COBL: variants seen among roughly 807,000 people sequenced by gnomAD.
COBL encodes the protein cordon-bleu WH2 repeat protein.
A neutral mutation model predicts 98.8 loss-of-function variants in COBL; 51 were observed. That is an observed-to-expected ratio of 0.52 (90% CI 0.41 to 0.65). The LOEUF (loss-of-function observed/expected upper bound fraction) is 0.65. Ranked by LOEUF, COBL falls within the 30% of genes least tolerant of loss-of-function variation. The pLI is 0.00. For missense variants in COBL, 1,617 were observed against 1,617.5 expected (o/e 1.00, Z 0.01); for synonymous variants, 634 against 651.7 (o/e 0.97, Z 0.41).
intron 2 of COBL, among the ~76,000 whole-genome samples, chr7:51,207,461 G>C (rs925249154): frequency 6.6e-6 from 1 of 152,004 alleles, no homozygotes; most frequent in African/African-American, 2.4e-5. Flanking sequence ...CTCTTTCCAC[G>C]GTCTCCCTCT....
At chr7:51,233,215 AG>A (rs1794930079) in intron 1 of COBL, among the ~76,000 whole-genome samples, 2 of 152,254 alleles carry the variant, frequency 1.3e-5, no homozygotes, top group Non-Finnish European at 2.9e-5. Flanking sequence ...GAGCATCTGC[AG>A]AGACAGGCTG....
chr7:51,196,908 TCC>T (rs1373725209), intron 2 of COBL, among the ~76,000 whole-genome samples: 1 of 152,110 alleles, frequency 6.6e-6, no homozygotes, highest in African/African-American at 2.4e-5. Context: ...TATATACATC[TCC>T]TCTCTTTTCT....
intron 5 of COBL, among the ~76,000 whole-genome samples, chr7:51,144,016 C>T (rs924153671): frequency 6.6e-6 from 1 of 152,150 alleles, no homozygotes; most frequent in Non-Finnish European, 1.5e-5. Flanking sequence ...CAAAATAGAA[C>T]TATTTTTCAA....
chr7:51,070,426 A>ACACACACACACACACAC (rs1486385446), intron 7 of COBL, among the ~76,000 whole-genome samples: 5 of 51,976 alleles, frequency 9.6e-5, no homozygotes, highest in African/African-American at 2.7e-4. Flanking sequence ...CACACACACA[A>ACACACACACACACACAC]AATTCCGAGA....
chr7:51,047,933 G>A (rs1476793915), intron 7 of COBL, among the ~76,000 whole-genome samples: 2 of 152,208 alleles, frequency 1.3e-5, no homozygotes, highest in Non-Finnish European at 1.5e-5. Context: ...TTGGGAGGCT[G>A]ACGTGGGCGG....
At chr7:51,172,158 C>T (rs1470823266) in intron 5 of COBL, among the ~76,000 whole-genome samples, 9 of 152,198 alleles carry the variant, frequency 5.9e-5, no homozygotes, top group Admixed American at 5.9e-4. Context: ...GCTCCAAAAC[C>T]ACCAGGCTAC....
intron 1 of COBL, among the ~76,000 whole-genome samples, chr7:51,306,870 G>C (rs1802522550): frequency 6.6e-6 from 1 of 152,300 alleles, no homozygotes; most frequent in East Asian, 1.9e-4. Context: ...ACACTCCAGG[G>C]CTTCAGAAAT....
intron 6 of COBL, among the ~76,000 whole-genome samples, chr7:51,130,753 G>C (rs1798664065): frequency 6.6e-6 from 1 of 152,174 alleles, no homozygotes; most frequent in African/African-American, 2.4e-5. Flanking sequence ...GATGAAACGT[G>C]TCTTTGGGAG....
At chr7:51,221,134 A>G (rs2129090024) in intron 1 of COBL, among the ~76,000 whole-genome samples, 1 of 152,240 alleles carries the variant, frequency 6.6e-6, no homozygotes, top group Middle Eastern at 3.4e-3. Flanking sequence ...CTGCACAGAC[A>G]TGGAACTCAG....
chr7:51,118,579 A>T (rs760228495), intron 6 of COBL, among the ~76,000 whole-genome samples: 1 of 151,114 alleles, frequency 6.6e-6, no homozygotes, highest in South Asian at 2.1e-4. Context: ...CCAAATTCCA[A>T]TTCACTCAAG....
intron 6 of COBL, among the ~76,000 whole-genome samples, chr7:51,104,855 C>G (rs913626890): frequency 3.3e-5 from 5 of 152,074 alleles, no homozygotes; most frequent in Non-Finnish European, 7.4e-5. Context: ...GGTCCATTTT[C>G]AAGGCATGAT....
At position 51,311,321 on chromosome 7, in the gene COBL, G is replaced by A. The variant is rs143789064; in HGVS notation, c.41+5272C>T. On this transcript the variant is annotated intron_variant, in intron 1 of 12. Transcript: ENST00000265136. ...GAGGCCACAGGGTTTCTCCCTGCTGGGGAAAGCCATCCTTCTCTGGAGGGG... is the reference window on the plus strand; with the variant it reads ...GAGGCCACAGGGTTTCTCCCTGCTGAGGAAAGCCATCCTTCTCTGGAGGGG... 4.1e-4 allele frequency among the ~76,000 whole-genome samples: 62 copies of A among 152,290 alleles called. 1 individual carries two copies. The East Asian group carries it at 0.01, about 25-fold the overall frequency.
intron 5 of COBL, among the ~76,000 whole-genome samples, chr7:51,168,679 T>C (rs1025980531): frequency 6.6e-6 from 1 of 152,158 alleles, no homozygotes; most frequent in African/African-American, 2.4e-5. Context: ...AGAATGTAAA[T>C]TGGCATAACT....
Position 51,086,907 on chromosome 7 carries a change from GTAAA to G in COBL, c.958-1607_958-1604del, listed in dbSNP as rs1794315061. Among the ~76,000 whole-genome samples, 4 of 151,820 alleles carry G rather than the reference GTAAA, an allele frequency of 2.6e-5. No individual in the cohort carries two copies. The South Asian group carries it at 8.3e-4, about 32-fold the overall frequency. On this transcript the variant is annotated intron_variant, in intron 6 of 12. Transcript: ENST00000265136. ...ACATAAAACATGGACATAACAGAAA[GTAAA>G]TAACCCCATAAAGATGAGTCAAAAC...
chr7:51,253,856 G>A (rs752846081), intron 1 of COBL, among the ~76,000 whole-genome samples: 6 of 152,154 alleles, frequency 3.9e-5, no homozygotes, highest in Non-Finnish European at 7.4e-5. Context: ...GGGCAGTTGT[G>A]TTATCAACTT....
At chr7:51,103,241 T>C (rs1213789516) in intron 6 of COBL, among the ~76,000 whole-genome samples, 1 of 152,162 alleles carries the variant, frequency 6.6e-6, no homozygotes, top group African/African-American at 2.4e-5. Context: ...AAAATTTACA[T>C]TTTTTCACAT....
chr7:51,284,233 A>T (rs546929275), intron 1 of COBL, among the ~76,000 whole-genome samples: 2 of 151,458 alleles, frequency 1.3e-5, no homozygotes, highest in East Asian at 3.9e-4. Context: ...CCTGGGAGGC[A>T]GAGCTTGCAG....
chr7:51,075,758 T>C (rs977580854), intron 7 of COBL, among the ~76,000 whole-genome samples: 1 of 152,178 alleles, frequency 6.6e-6, no homozygotes, highest in Non-Finnish European at 1.5e-5. Flanking sequence ...CAAAAAGAAA[T>C]AGGCTCATAA....
At chr7:51,207,957 CT>C (rs1791935910) in intron 2 of COBL, among the ~76,000 whole-genome samples, 1 of 136,202 alleles carries the variant, frequency 7.3e-6, no homozygotes, top group Non-Finnish European at 1.7e-5. Context: ...GCGTCTCTGC[CT>C]GGCCGCCATC....
Sources: gnomAD v4.1 joint callset for allele counts (sites outside exome capture counted in the v4.1 genomes callset) on GRCh38, gnomAD v4.1.1 for gene constraint, MANE v1.5 for transcripts, NCBI Gene and HGNC (gene_info 2026-07-23, HGNC 2026-07-21) for gene names.